PLCH2: variants seen among roughly 807,000 people sequenced by gnomAD.
The protein encoded by PLCH2 is phospholipase C eta 2.
Under a neutral mutation model 134.7 loss-of-function variants are expected in PLCH2, and 98 were observed. The ratio of observed to expected loss-of-function variants is 0.73; its 90% CI spans 0.62 to 0.86. The LOEUF (loss-of-function observed/expected upper bound fraction) is 0.86, where lower values mean the gene tolerates loss of function less well. PLCH2 is among the 40% of genes least tolerant of loss of function. The pLI, the probability that PLCH2 is intolerant of heterozygous loss-of-function variation, is 0.00. For missense variants in PLCH2, 1,994 were observed against 1,986.6 expected, an observed-to-expected ratio of 1.00 and a Z score of -0.07; for synonymous variants, 974 against 827.5, an observed-to-expected ratio of 1.18 and a Z score of -3.04.
At chr1:2,428,544 T>C (rs1638913253) in intron 1 of PLCH2, among the ~76,000 whole-genome samples, 2 of 152,218 alleles carry the variant, frequency 1.3e-5, no homozygotes, top group Admixed American at 1.3e-4. Context: ...GACCTCATGG[T>C]CCTCCGTGGC....
intron 2 of PLCH2, among the ~76,000 whole-genome samples, chr1:2,436,224 T>C: frequency 9.9e-6 from 1 of 101,378 alleles, no homozygotes; most frequent in Non-Finnish European, 1.9e-5. Flanking sequence ...CCTTCCTGCC[T>C]CCTCCTTTCC....
intron 20 of PLCH2, 115 bp downstream of exon 20, chr1:2,499,835 G>C (rs1233065473): frequency 2.4e-6 from 2 of 817,250 alleles, no homozygotes; most frequent in African/African-American, 3.4e-5. Context: ...GTGAGGCCTA[G>C]GGTCCCCTCC....
At chr1:2,499,620 T>C in intron 19 of PLCH2, 21 bp from the exon 20 acceptor site, 2 of 1,580,122 alleles carry the variant, frequency 1.3e-6, no homozygotes, top group South Asian at 2.3e-5. Flanking sequence ...CTCATGACCC[T>C]GCTGACCCAC....
chr1:2,452,819 G>A, intron 2 of PLCH2, among the ~76,000 whole-genome samples: 1 of 152,222 alleles, frequency 6.6e-6, no homozygotes, highest in African/African-American at 2.4e-5. Flanking sequence ...GCTGGGCCTG[G>A]CCCCGGGTGC....
chr1:2,474,240 G>T (rs1055046509), upstream of PLCH2, among the ~76,000 whole-genome samples: 2 of 151,900 alleles, frequency 1.3e-5, no homozygotes, highest in African/African-American at 4.9e-5. Context: ...TTAAGTCTCT[G>T]GGCCTGGGCC....
intron 2 of PLCH2, among the ~76,000 whole-genome samples, chr1:2,460,466 G>C (rs191224059): frequency 3.3e-4 from 51 of 152,348 alleles, no homozygotes; most frequent in African/African-American, 1.2e-3. Context: ...AGGGTGGCAG[G>C]TCTTGGCCCC....
At chr1:2,474,275 C>T (rs1641496735), upstream of PLCH2, among the ~76,000 whole-genome samples, 1 of 152,182 alleles carries the variant, frequency 6.6e-6, no homozygotes, top group African/African-American at 2.4e-5. Flanking sequence ...TGGCCCGGGG[C>T]ACCCCCGGCT....
At chr1:2,450,598 G>T (rs1640156526) in intron 2 of PLCH2, among the ~76,000 whole-genome samples, 1 of 68,512 alleles carries the variant, frequency 1.5e-5, no homozygotes, top group African/African-American at 6.3e-5. Flanking sequence ...CTCCCCACCT[G>T]CCCCCCACTC....
At chr1:2,428,486 T>A (rs962029817) in intron 1 of PLCH2, among the ~76,000 whole-genome samples, 6 of 152,252 alleles carry the variant, frequency 3.9e-5, no homozygotes, top group East Asian at 1.9e-4. Flanking sequence ...CATGGGGTCC[T>A]GCGTCTGGCT....
chr1:2,478,676 G>C, intron 2 of PLCH2, 54 bp downstream of exon 2: 1 of 1,527,236 alleles, frequency 6.5e-7, no homozygotes. Context: ...GGGACACGAC[G>C]GTAGGGACCC....
chr1:2,427,813 G>A (rs987449486), intron 1 of PLCH2, among the ~76,000 whole-genome samples: 8 of 152,070 alleles, frequency 5.3e-5, no homozygotes, highest in Non-Finnish European at 5.9e-5. Context: ...GAGCCCTCCG[G>A]GGGTGGGAGC....
At chr1:2,455,352 C>A (rs932430287) in intron 2 of PLCH2, among the ~76,000 whole-genome samples, 1 of 152,126 alleles carries the variant, frequency 6.6e-6, no homozygotes. Flanking sequence ...GGCAGGAGGA[C>A]CCTCGGCCCT....
chr1:2,468,588 G>C (rs1459666119), intron 1 of PLCH2, among the ~76,000 whole-genome samples: 1 of 152,210 alleles, frequency 6.6e-6, no homozygotes, highest in African/African-American at 2.4e-5. Context: ...AAAACGTGAA[G>C]GGGGACAGTG....
At chr1:2,501,864 C>T (rs375717671) in intron 20 of PLCH2, 15 of 456,084 alleles carry the variant, frequency 3.3e-5, no homozygotes, top group Admixed American at 1.2e-4. Context: ...CAGTTTCTGC[C>T]GGAAGGGTGG....
Position 2,505,395 on chromosome 1 carries a change from C to T in PLCH2, c.*182C>T, listed in dbSNP as rs974279254. ...GGAGGAAAGGCTAAAGCTGCTGGCC[C>T]GGGGCCCACAGGAGGGGCTTCGAGG... On this transcript the variant is annotated 3_prime_UTR_variant, in exon 22 of 22. Transcript: ENST00000378486. The T allele has an allele frequency of 2.8e-5, 16 of 580,616 alleles. No homozygotes were observed. Among genetic ancestry groups the T allele is most frequent in the African/African-American group, 1.6e-4 (8 of 51,126 alleles). The allele number at this position is 580,616 out of a possible 1,614,324, so 36.0% of individuals were successfully genotyped here.
At chr1:2,495,022 C>T in intron 12 of PLCH2, 74 bp downstream of exon 12, 1 of 1,069,120 alleles carries the variant, frequency 9.4e-7, no homozygotes, top group Non-Finnish European at 1.4e-6. Flanking sequence ...CCCGTGTCCT[C>T]CCTGCTCCCA....
chr1:2,503,250 C>G, intron 21 of PLCH2: 1 of 560,532 alleles, frequency 1.8e-6, no homozygotes. Flanking sequence ...AACTCACCTC[C>G]TGGGCGGCTG....
chr1:2,433,270 G>C (rs1639157086), intron 2 of PLCH2, among the ~76,000 whole-genome samples: 1 of 152,240 alleles, frequency 6.6e-6, no homozygotes, highest in Non-Finnish European at 1.5e-5. Flanking sequence ...TGGGAGCAGA[G>C]GCAGGCAGGT....
chr1:2,435,220 A>G (rs990064318), intron 2 of PLCH2, among the ~76,000 whole-genome samples: 1 of 152,156 alleles, frequency 6.6e-6, no homozygotes, highest in Non-Finnish European at 1.5e-5. Context: ...CCTTTCCTCC[A>G]GGAACCCCTG....
Sources: gnomAD v4.1 joint callset for allele counts (sites outside exome capture counted in the v4.1 genomes callset) on GRCh38, gnomAD v4.1.1 for gene constraint, MANE v1.5 for transcripts, NCBI Gene and HGNC (gene_info 2026-07-23, HGNC 2026-07-21) for gene names.